DNAH11: variants seen among roughly 807,000 people sequenced by gnomAD.
DNAH11 encodes dynein axonemal heavy chain 11, also known as axonemal beta dynein heavy chain 11.
Under a neutral mutation model 526.0 loss-of-function variants are expected in DNAH11, and 442 were observed. That is an observed-to-expected ratio of 0.84 (90% CI 0.78 to 0.91). The LOEUF (loss-of-function observed/expected upper bound fraction) is 0.91, where lower values mean the gene tolerates loss of function less well. DNAH11 is among the 40% of genes least tolerant of loss of function. The pLI, the probability that DNAH11 is intolerant of heterozygous loss-of-function variation, is 0.00. For missense variants in DNAH11, 6,989 were observed against 5,448.7 expected (o/e 1.28, Z -8.90); for synonymous variants, 2,461 against 1,935.9 (o/e 1.27, Z -7.12).
rs553655709 is a variant in DNAH11, at chr7:21,765,525, C to T, written c.9038C>T (p.Ala3013Val). ...VNCTAIDWFH[A>V]WPQEALVSVS... ...TGCACGGCTATTGACTGGTTTCATG[C>T]GTGGCCGCAGGAGGCTCTGGTCTCC... The change falls in exon 55 of 82, where the codon GCG becomes GTG. Residue 3013 changes from alanine to valine, a missense_variant. Physicochemically the swap from Ala to Val is moderately conservative, Grantham distance 64 (BLOSUM62 0). Transcript: ENST00000409508. 6.2e-6 allele frequency: 10 copies of T among 1,608,822 alleles called. No individual in the cohort carries two copies. The East Asian group carries it at 6.7e-5, about 11-fold the overall frequency.
chr7:21,787,079 G>A lies in DNAH11; in HGVS notation c.9741+312G>A, dbSNP rs1359062282. 2.0e-5 allele frequency among the ~76,000 whole-genome samples: 3 copies of A among 152,162 alleles called. No homozygotes were observed. The East Asian group carries it at 5.8e-4, about 29-fold the overall frequency. On this transcript the variant is annotated intron_variant, in intron 59 of 81. Transcript: ENST00000409508. ...GGATTTCTTAGGCTGGAAAAATGTT[G>A]CTAATGTATAGGAAGGTGAAGCACA...
Position 21,574,869 on chromosome 7 carries a change from T to G in DNAH11, c.1593+2896T>G, listed in dbSNP as rs1305163090. ...CAGGCGTGAGCCACTGCACTGGGCT[T>G]TTTTTTTTTTTTTTTTTTTTTTTTT... On this transcript the variant is annotated intron_variant, in intron 8 of 81. Transcript: ENST00000409508. Among the ~76,000 whole-genome samples the G allele has an allele frequency of 5.1e-3, 230 of 45,226 alleles. 3 individuals are homozygous for G. Among genetic ancestry groups the G allele is most frequent in the Non-Finnish European group, 7.7e-3 (186 of 24,086 alleles). The allele number at this position is 45,226 out of a possible 152,430, so 29.7% of individuals were successfully genotyped here. A position where few individuals can be genotyped will look rare whatever the true frequency, so the allele number is the denominator to read the frequency against.
rs576653234 is a variant in DNAH11, at chr7:21,811,860, G to A, written c.10332+3811G>A. On this transcript the variant is annotated intron_variant, in intron 63 of 81. Coordinates refer to ENST00000409508, the MANE Select transcript of DNAH11 (RefSeq NM_001277115.2). ...ATCATAATCAAAGAGTTGGGTACAG[G>A]AATTTTAGGTTTCAATGATGAAATA... is the stretch of plus-strand genomic sequence containing the variant. 3.9e-5 allele frequency among the ~76,000 whole-genome samples: 6 copies of A among 152,290 alleles called. No individual in the cohort carries two copies. The South Asian group carries it at 1.2e-3, about 32-fold the overall frequency.
chr7:21,707,062 T>G (rs894453029), intron 39 of DNAH11, among the ~76,000 whole-genome samples: 1 of 152,184 alleles, frequency 6.6e-6, no homozygotes, highest in Non-Finnish European at 1.5e-5. Flanking sequence ...TGAAAGATAT[T>G]TAGCAACCTC....
At chr7:21,867,235 CAA>C (rs1311165789) in intron 71 of DNAH11, among the ~76,000 whole-genome samples, 1 of 152,174 alleles carries the variant, frequency 6.6e-6, no homozygotes, top group Non-Finnish European at 1.5e-5. Flanking sequence ...ATTCACCAAC[CAA>C]AGAGTTCTCA....
chr7:21,548,575 T>C (rs1374536042), intron 2 of DNAH11, among the ~76,000 whole-genome samples: 2 of 152,160 alleles, frequency 1.3e-5, no homozygotes, highest in Non-Finnish European at 2.9e-5. Flanking sequence ...TCTTAGGAAA[T>C]GCCAGAGTGA....
At chr7:21,573,561 C>T (rs984182491) in intron 8 of DNAH11, among the ~76,000 whole-genome samples, 1 of 152,060 alleles carries the variant, frequency 6.6e-6, no homozygotes, top group African/African-American at 2.4e-5. Context: ...TTGCATTTAT[C>T]ATATATTTTT....
intron 30 of DNAH11, among the ~76,000 whole-genome samples, chr7:21,677,410 C>G (rs940273962): frequency 6.6e-6 from 1 of 151,994 alleles, no homozygotes; most frequent in Non-Finnish European, 1.5e-5. Flanking sequence ...GAGACAGAAT[C>G]TCACTCTGTC....
At chr7:21,700,338 A>C (rs985499661) in intron 36 of DNAH11, among the ~76,000 whole-genome samples, 1 of 152,214 alleles carries the variant, frequency 6.6e-6, no homozygotes, top group Non-Finnish European at 1.5e-5. Context: ...TTCAAGGATA[A>C]CTTCCTGTGC....
chr7:21,796,563 A>C (rs534148997), intron 61 of DNAH11, among the ~76,000 whole-genome samples: 1 of 152,324 alleles, frequency 6.6e-6, no homozygotes, highest in East Asian at 1.9e-4. Flanking sequence ...ATGGTTAGGA[A>C]GGTGAATGAG....
chr7:21,730,986 A>G (rs1030122562), intron 45 of DNAH11, among the ~76,000 whole-genome samples: 1 of 152,126 alleles, frequency 6.6e-6, no homozygotes, highest in African/African-American at 2.4e-5. Flanking sequence ...TCTACTAAAA[A>G]TACAAAAAAT....
Position 21,901,307 on chromosome 7 carries a change from G to T in DNAH11, c.*53G>T. ...GCTGGAGTGCAGTGAGGATTTTCTA[G>T]CATGTTGCTGCACTGTTCCCATGCA... On this transcript the variant is annotated 3_prime_UTR_variant, in exon 82 of 82. Transcript: ENST00000409508. The T allele has an allele frequency of 6.7e-7, 1 of 1,500,524 alleles. No individual in the cohort carries two copies. Among genetic ancestry groups the T allele is most frequent in the Non-Finnish European group, 8.9e-7 (1 of 1,118,342 alleles). 93.0% of individuals were successfully genotyped at this position (1,500,524 alleles called of 1,614,324 possible).
At chr7:21,708,897 C>G (rs1784365750) in intron 40 of DNAH11, among the ~76,000 whole-genome samples, 1 of 152,138 alleles carries the variant, frequency 6.6e-6, no homozygotes, top group African/African-American at 2.4e-5. Context: ...GAGATAGAAT[C>G]TCATACCAGT....
intron 75 of DNAH11, among the ~76,000 whole-genome samples, chr7:21,884,072 C>G (rs1784032881): frequency 6.6e-6 from 1 of 152,274 alleles, no homozygotes; most frequent in African/African-American, 2.4e-5. Context: ...ATAAACAGCT[C>G]AATGTTAGTG....
Position 21,901,043 on chromosome 7 carries a change from A to C in DNAH11, c.13340A>C (p.Glu4447Ala), listed in dbSNP as rs763700399. The C allele has an allele frequency of 6.2e-7, 1 of 1,612,524 alleles. No homozygotes were observed. Among genetic ancestry groups the C allele is most frequent in the Non-Finnish European group, 8.5e-7 (1 of 1,179,168 alleles). Reference protein sequence around the residue: ...RWDTQAGTIVEARLKELACPM... With the variant: ...RWDTQAGTIVAARLKELACPM... The stretch of plus-strand genomic sequence containing the variant: ...GACACCCAAGCAGGAACCATTGTTG[A>C]AGCCCGTCTCAAGGAGCTGGCATGC... Residue 4447 changes from glutamate to alanine, a missense_variant, in exon 82 of 82, where the codon GAA (glutamate) becomes GCA (alanine). Transcript: ENST00000409508.
intron 55 of DNAH11, among the ~76,000 whole-genome samples, chr7:21,769,883 A>C (rs1238431023): frequency 6.6e-6 from 1 of 151,910 alleles, no homozygotes; most frequent in Non-Finnish European, 1.5e-5. Flanking sequence ...CAATGACTGC[A>C]AGCTCATCTA....
intron 25 of DNAH11, among the ~76,000 whole-genome samples, chr7:21,632,820 A>C (rs534491738): frequency 6.6e-6 from 1 of 152,292 alleles, no homozygotes; most frequent in East Asian, 1.9e-4. Flanking sequence ...ACCCAGTTCC[A>C]AAGTTGCTTC....
rs1356235660 is a variant in DNAH11, at chr7:21,581,994, C to T, written c.1683C>T (p.Asn561=). ...LGTIICEAFF[N]CNGLEAAFKL... is the part of the protein sequence containing the mutation. ...CAATTATTTGTGAAGCTTTCTTTAA[C>T]TGCAATGGCTTAGAAGCTGCATTTA... The change falls in exon 9 of 82, where the codon AAC becomes AAT. Residue 561 remains asparagine (N), a synonymous_variant. Coordinates refer to ENST00000409508, the MANE Select transcript of DNAH11 (RefSeq NM_001277115.2). The T allele has an allele frequency of 6.8e-6, 11 of 1,612,462 alleles. No individual in the cohort carries two copies. The highest frequency in any genetic ancestry group is 2.2e-5 in the East Asian group (1 of 44,858).
chr7:21,830,577 C>G (rs1395753266), intron 65 of DNAH11, among the ~76,000 whole-genome samples: 3 of 152,108 alleles, frequency 2.0e-5, no homozygotes, highest in Admixed American at 6.6e-5. Context: ...CAATGTTATG[C>G]AGTGAAATGA....
Sources: gnomAD v4.1 joint callset for allele counts (sites outside exome capture counted in the v4.1 genomes callset) on GRCh38, gnomAD v4.1.1 for gene constraint, MANE v1.5 for transcripts, NCBI Gene and HGNC (gene_info 2026-07-23, HGNC 2026-07-21) for gene names.